Variants in ANXA8 observed in about 807,000 individuals in gnomAD.
ANXA8 encodes annexin A8.
In ANXA8, 9 loss-of-function variants were observed where a neutral mutation model predicts 26.8. That is an observed-to-expected ratio of 0.34 (90% CI 0.20 to 0.59). The LOEUF (loss-of-function observed/expected upper bound fraction) is 0.59, where lower values mean the gene tolerates loss of function less well. Ranked by LOEUF, ANXA8 falls within the 20% of genes least tolerant of loss-of-function variation. The probability of loss-of-function intolerance (pLI) is 0.84; values close to 1 mark genes in which losing one functional copy is unlikely to be tolerated. For synonymous variants in ANXA8, 39 were observed against 94.8 expected, an observed-to-expected ratio of 0.41 and a Z score of 3.42; for missense variants, 83 against 238.5, an observed-to-expected ratio of 0.35 and a Z score of 4.29.
At chr10:47,682,469 CTTTTTT>C in the ANXA8 span, among the ~76,000 whole-genome samples, 2 of 121,620 alleles carry the variant, frequency 1.6e-5, no homozygotes, top group Non-Finnish European at 1.7e-5. Context: ...CTTTCTTTTT[CTTTTTT>C]TTTTTTTTTT....
At chr10:47,750,775 G>A in the ANXA8 span, 2 of 150,692 alleles carry the variant, frequency 1.3e-5, no homozygotes, top group Non-Finnish European at 2.9e-5. Context: ...TTATGGCCAT[G>A]CTCCCTCTAA....
the ANXA8 span, chr10:47,502,474 G>T: frequency 2.5e-6 from 4 of 1,612,960 alleles, no homozygotes; most frequent in Non-Finnish European, 3.4e-6. Context: ...TGAGGGTTTT[G>T]TCTGCCCCTG....
At chr10:47,706,029 G>A in the ANXA8 span, among the ~76,000 whole-genome samples, 1 of 151,922 alleles carries the variant, frequency 6.6e-6, no homozygotes, top group Admixed American at 6.5e-5. Flanking sequence ...CCGCCGCGCG[G>A]TCGGTTCCGG....
chr10:47,669,802 A>T, the ANXA8 span, among the ~76,000 whole-genome samples: 5 of 152,226 alleles, frequency 3.3e-5, no homozygotes, highest in African/African-American at 1.2e-4. Context: ...TGTATGTTCC[A>T]TCTTCTCTTT....
At chr10:47,563,583 T>C in the ANXA8 span, 1 of 865,128 alleles carries the variant, frequency 1.2e-6, no homozygotes, top group Non-Finnish European at 2.0e-6. Context: ...CCCCAACACA[T>C]TTTTTAAAAA....
chr10:47,985,940 G>A, the ANXA8 span: 2 of 149,822 alleles, frequency 1.3e-5, 1 homozygote, highest in Non-Finnish European at 3.0e-5. Flanking sequence ...TTTATTGTCT[G>A]CTACCATTCC....
the ANXA8 span, chr10:47,955,916 CA>C: frequency 4.0e-5 from 5 of 124,530 alleles, no homozygotes; most frequent in African/African-American, 1.8e-4. Flanking sequence ...TATAACTGTA[CA>C]AAAATATTTT....
chr10:47,513,270 T>C, the ANXA8 span, among the ~76,000 whole-genome samples: 2 of 144,218 alleles, frequency 1.4e-5, no homozygotes, highest in African/African-American at 2.5e-5. Flanking sequence ...CCTGACCTCA[T>C]GATCCGTCCG....
rs1839409633 is a variant in ANXA8 at position 47,474,082 on chromosome 10, G to A, written c.647-17C>T. ...CTTCAAACACTGTGGAGAGGGCTCTGCTCAGGGGATGGTCAGACCTCCTCG... is the reference window on the plus strand; with the variant it reads ...CTTCAAACACTGTGGAGAGGGCTCTACTCAGGGGATGGTCAGACCTCCTCG... On this transcript the variant is annotated splice_polypyrimidine_tract_variant and intron_variant, in intron 8 of 11. Transcript: ENST00000585281. The A allele has an allele frequency of 1.9e-6, 1 of 532,548 alleles. No individual in the cohort carries two copies. Among genetic ancestry groups the A allele is most frequent in the Admixed American group, 3.3e-5 (1 of 30,630 alleles). 33.0% of individuals were successfully genotyped at this position (532,548 alleles called of 1,614,324 possible).
the ANXA8 span, among the ~76,000 whole-genome samples, chr10:47,949,726 C>T: frequency 6.7e-6 from 1 of 148,938 alleles, no homozygotes; most frequent in Admixed American, 6.7e-5. Flanking sequence ...ATTGTATACC[C>T]TCATGCAACC....
At chr10:47,502,080 C>T in the ANXA8 span, 130 of 1,565,338 alleles carry the variant, frequency 8.3e-5, 6 homozygotes, top group South Asian at 7.2e-4. Flanking sequence ...AGATACTACA[C>T]GCACTCGTCG....
the ANXA8 span, among the ~76,000 whole-genome samples, chr10:47,670,039 G>A: frequency 6.6e-6 from 1 of 151,680 alleles, no homozygotes; most frequent in Non-Finnish European, 1.5e-5. Flanking sequence ...CCCAGCCCCT[G>A]GAAGCCACGA....
the ANXA8 span, among the ~76,000 whole-genome samples, chr10:47,607,393 C>T: frequency 1.2e-4 from 18 of 148,666 alleles, no homozygotes; most frequent in Non-Finnish European, 2.2e-4. Context: ...GGTACAGTAT[C>T]ACTGTTCATC....
the ANXA8 span, among the ~76,000 whole-genome samples, chr10:47,572,901 T>C: frequency 4.0e-5 from 6 of 151,592 alleles, no homozygotes; most frequent in African/African-American, 1.5e-4. Context: ...TAGACTGTTT[T>C]TGAGAAGGAT....
At chr10:47,756,411 C>T in the ANXA8 span, among the ~76,000 whole-genome samples, 3 of 127,732 alleles carry the variant, frequency 2.3e-5, no homozygotes, top group Non-Finnish European at 5.0e-5. Flanking sequence ...GCGGCCCAGG[C>T]GGGGCTCCGC....
the ANXA8 span, among the ~76,000 whole-genome samples, chr10:47,525,633 T>C: frequency 7.4e-6 from 1 of 135,806 alleles, no homozygotes; most frequent in Non-Finnish European, 1.6e-5. Flanking sequence ...GGAAATGACA[T>C]TGTAGATTAT....
the ANXA8 span, among the ~76,000 whole-genome samples, chr10:47,769,259 G>C: frequency 6.7e-6 from 1 of 150,128 alleles, no homozygotes; most frequent in Non-Finnish European, 1.5e-5. Flanking sequence ...GGAGAGGTAA[G>C]GCATCTTACG....
At chr10:47,702,583 T>G in the ANXA8 span, among the ~76,000 whole-genome samples, 1 of 151,450 alleles carries the variant, frequency 6.6e-6, no homozygotes, top group South Asian at 2.1e-4. Context: ...TCAAATGATC[T>G]GCCCACTTTG....
At chr10:47,650,065 G>T in the ANXA8 span, among the ~76,000 whole-genome samples, 1 of 149,184 alleles carries the variant, frequency 6.7e-6, no homozygotes, top group South Asian at 2.1e-4. Context: ...AAAATTAGCT[G>T]GGCATGGTGG....
Sources: allele counts gnomAD v4.1 joint callset (sites outside exome capture counted in the v4.1 genomes callset), GRCh38; gene constraint gnomAD v4.1.1; transcripts MANE v1.5; gene names NCBI Gene and HGNC (gene_info 2026-07-23, HGNC 2026-07-21).